Variants in PSD observed in about 807,000 individuals in gnomAD.
The protein encoded by PSD is pleckstrin and Sec7 domain containing.
PSD carries 32 observed loss-of-function variants against 91.6 expected under a neutral mutation model. That is an observed-to-expected ratio of 0.35 (90% confidence interval 0.26 to 0.47). The LOEUF is 0.47. Among genes scored for constraint, PSD ranks in the 20% least tolerant of loss-of-function variants. The pLI is 1.00. For missense variants in PSD, 1,099 were observed against 1,373.9 expected (o/e 0.80, Z 3.16); for synonymous variants, 532 against 569.3 (o/e 0.93, Z 0.93).
chr10:102,404,821 A>G lies in PSD; in HGVS notation c.2555+77T>C, dbSNP rs2135449227. 2 of 1,576,574 alleles carry G rather than the reference A, an allele frequency of 1.3e-6. No individual in the cohort carries two copies. Among genetic ancestry groups the G allele is most frequent in the South Asian group, 1.2e-5 (1 of 85,622 alleles). ...CAAGTGTGGCCTGAGAAGGAATGAAAAAATCCAGGGACAGGGAGGGGAGCA... is the reference window on the plus strand; with the variant it reads ...CAAGTGTGGCCTGAGAAGGAATGAAGAAATCCAGGGACAGGGAGGGGAGCA... On this transcript the variant is annotated intron_variant, in intron 14 of 16. Coordinates refer to ENST00000020673, the MANE Select transcript of PSD (RefSeq NM_002779.5). The surrounding 1 kb of genome is among the most constrained non-coding windows in gnomAD (Gnocchi z 5.7).
At chr10:102,417,853 C>A (rs140374940) in intron 1 of PSD, among the ~76,000 whole-genome samples, 1 of 151,888 alleles carries the variant, frequency 6.6e-6, no homozygotes. Context: ...GGATTACAGG[C>A]GCTCAGCACT....
chr10:102,417,086 C>A lies in PSD; in HGVS notation c.-48G>T, dbSNP rs538158149. The A allele has an allele frequency of 1.9e-6, 2 of 1,068,958 alleles. No individual in the cohort carries two copies. Among genetic ancestry groups the A allele is most frequent in the Non-Finnish European group, 1.3e-6 (1 of 757,918 alleles). The allele number at this position is 1,068,958 out of a possible 1,614,324, so 66.2% of individuals were successfully genotyped here. On this transcript the variant is annotated 5_prime_UTR_variant, in exon 2 of 17. Transcript: ENST00000020673. ...GGGGGGCAGGGATGGCGAGGCCAGG[C>A]GGGGAGTAAGGGGGCTGCATGCTCT...
rs191623529 is a variant in PSD, at chr10:102,411,665, C to G, written c.1942+42G>C. 7.3e-6 allele frequency: 11 copies of G among 1,515,628 alleles called. No homozygotes were observed. The East Asian group carries it at 2.6e-4, about 35-fold the overall frequency. The allele number at this position is 1,515,628 out of a possible 1,614,324, so 93.9% of individuals were successfully genotyped here. A position where few individuals can be genotyped will look rare whatever the true frequency, so the allele number is the denominator to read the frequency against. ...ACACAGGGCCCAGCCCATTTTGCCACTGTGGCCAGCTAAGGACACCCCTGC... is the reference window on the plus strand; with the variant it reads ...ACACAGGGCCCAGCCCATTTTGCCAGTGTGGCCAGCTAAGGACACCCCTGC... On this transcript the variant is annotated intron_variant, in intron 8 of 16. Transcript: ENST00000020673.
chr10:102,405,215 TC>T lies in PSD; in HGVS notation c.2364del (p.Ile789SerfsTer5). On this transcript the variant is annotated frameshift_variant, in exon 13 of 17. Transcript: ENST00000020673. LOFTEE classifies it high-confidence loss of function. This position sits in a 1 kb window ranked among gnomAD's most constrained non-coding sequence, Gnocchi z 5.4. ...AGGTAGAGGATCATGCCCTTGAGGA[TC>T]CCGTGGAAGCTCTTCCAGCCCCGCT... ...RGKRGWKSFH[G>X]ILKGMILYLQ... The T allele has an allele frequency of 6.2e-7, 1 of 1,610,830 alleles. No homozygotes were observed. Among genetic ancestry groups the T allele is most frequent in the Non-Finnish European group, 8.5e-7 (1 of 1,179,800 alleles).
rs1313030365 is a variant in PSD at position 102,414,736 on chromosome 10, C to T, written c.1124+127G>A. On this transcript the variant is annotated intron_variant, in intron 4 of 16. Coordinates refer to ENST00000020673, the MANE Select transcript of PSD (RefSeq NM_002779.5). The surrounding 1 kb of genome is among the most constrained non-coding windows in gnomAD (Gnocchi z 5.6). ...CCTCTGTCTAGAATCTCCTGCTATA[C>T]ACACTGCCCCGCCAGCCCCACACCC... The T allele has an allele frequency of 3.9e-6, 5 of 1,287,838 alleles. No individual in the cohort carries two copies. The highest frequency in any genetic ancestry group is 2.4e-5 in the East Asian group (1 of 41,042). The allele number at this position is 1,287,838 out of a possible 1,614,324, so 79.8% of individuals were successfully genotyped here.
Position 102,413,912 on chromosome 10 carries a change from G to A in PSD, c.1410C>T (p.Thr470=), listed in dbSNP as rs768788664. The A allele has an allele frequency of 6.2e-7, 1 of 1,614,078 alleles. No homozygotes were observed. Among genetic ancestry groups the A allele is most frequent in the South Asian group, 1.1e-5 (1 of 91,088 alleles). ...PLAPLEPDSG[T]SSAADGPWTQ... is the part of the protein sequence containing the mutation. The stretch of plus-strand genomic sequence containing the variant: ...TCCAAGGACCATCAGCAGCAGAGCT[G>A]GTACCAGAATCCGGTTCAAGAGGGG... Residue 470 remains threonine (T), a synonymous_variant, in exon 5 of 17, where the codon ACC becomes ACT. Transcript: ENST00000020673.
rs1013286009 is a variant in PSD, at chr10:102,405,418, C to T, written c.2254G>A (p.Glu752Lys). The T allele has an allele frequency of 5.6e-6, 9 of 1,613,418 alleles. No homozygotes were observed. Among genetic ancestry groups the T allele is most frequent in the Admixed American group, 1.7e-5 (1 of 59,958 alleles). ...TGCTTGTAGACGGCAGCCCCAGGCT[C>T]GGGAGTCAGGTCCAGGAAAGGGCTG... Reference protein sequence around the residue: ...GSSPFLDLTPEPGAAVYKHGA... With the variant: ...GSSPFLDLTPKPGAAVYKHGA... The change falls in exon 12 of 17, where the codon GAG becomes AAG. Residue 752 changes from glutamate (E) to lysine (K), a missense_variant. This residue lies in a region of PSD where 358 missense variants were observed against 426.5 expected (regional missense o/e 0.84). Coordinates refer to ENST00000020673, the MANE Select transcript of PSD (RefSeq NM_002779.5). This position sits in a 1 kb window ranked among gnomAD's most constrained non-coding sequence, Gnocchi z 5.4.
chr10:102,416,102 G>A lies in PSD; in HGVS notation c.672C>T (p.Ser224=), dbSNP rs140411500. The change falls in exon 3 of 17, where the codon TCC becomes TCT. Residue 224 remains serine (S), a synonymous_variant. Transcript: ENST00000020673. The surrounding 1 kb of genome is among the most constrained non-coding windows in gnomAD (Gnocchi z 6.0). ...GGGCATGAGAGGAGACTTCCCGGGG[G>A]GAGGACCAGGTATCCCCCTGAGCCA... ...GFLNQGDTWS[S]PREVSSHAQR... 6.2e-7 allele frequency: 1 copy of A among 1,613,428 alleles called. No homozygotes were observed. The highest frequency in any genetic ancestry group is 1.3e-5 in the African/African-American group (1 of 74,904).
chr10:102,411,443 G>A (rs1405818790), intron 8 of PSD, among the ~76,000 whole-genome samples: 1 of 152,154 alleles, frequency 6.6e-6, no homozygotes, highest in African/African-American at 2.4e-5. Context: ...CCCCTCTCCA[G>A]CCAAGCACTG....
Position 102,404,977 on chromosome 10 carries a change from G to A in PSD, c.2476C>T (p.Arg826Cys), listed in dbSNP as rs753416072. Residue 826 changes from arginine to cysteine, a missense_variant, in exon 14 of 17, where the codon CGT becomes TGT. Arg to Cys is a radical substitution (Grantham distance 180). This residue lies in a region of PSD where 358 missense variants were observed against 426.5 expected (regional missense o/e 0.84). Transcript: ENST00000020673. This position sits in a 1 kb window ranked among gnomAD's most constrained non-coding sequence, Gnocchi z 5.7. ...GGCCTCTTGCTGTAGTCACTGGCAC[G>A]AGTGGCCAGGGCATGGTGGATGCTG... ...AISIHHALAT[R>C]ASDYSKRPHV... is the part of the protein sequence containing the mutation. The A allele has an allele frequency of 1.5e-5, 25 of 1,614,090 alleles. No homozygotes were observed. In the South Asian group the frequency reaches 1.9e-4, roughly 12 times the overall value.
In PSD at chr10:102,403,052, A is replaced by AGCCCT. The variant is rs2061301260; in HGVS notation, c.*143_*147dup. 3.5e-6 allele frequency: 1 copy of AGCCCT among 286,506 alleles called. No individual in the cohort carries two copies. The highest frequency in any genetic ancestry group is 5.5e-6 in the Non-Finnish European group (1 of 181,736). 17.7% of individuals were successfully genotyped at this position (286,506 alleles called of 1,614,324 possible). A position where few individuals can be genotyped will look rare whatever the true frequency, so the allele number is the denominator to read the frequency against. On this transcript the variant is annotated 3_prime_UTR_variant, in exon 17 of 17. Coordinates refer to ENST00000020673, the MANE Select transcript of PSD (RefSeq NM_002779.5). The surrounding 1 kb of genome is among the most constrained non-coding windows in gnomAD (Gnocchi z 6.7). Reference sequence around the variant, plus strand: ...CCTAGGCTCCTGAGGCCCAGGCCCCAGCCCTGCCCTGCCCCGGACACCGCG... The same window carrying AGCCCT: ...CCTAGGCTCCTGAGGCCCAGGCCCCAGCCCTGCCCTGCCCTGCCCCGGACACCGCG...
In PSD at chr10:102,403,769, C is replaced by T; in HGVS notation, c.2844+73G>A. ...GCCCAAGGACCTCCGGCCGGTTCCA[C>T]TGTTAGAGTTCATGCCCTTCACCCT... is the stretch of plus-strand genomic sequence containing the variant. On this transcript the variant is annotated intron_variant, in intron 16 of 16. Coordinates refer to ENST00000020673, the MANE Select transcript of PSD (RefSeq NM_002779.5). This position sits in a 1 kb window ranked among gnomAD's most constrained non-coding sequence, Gnocchi z 6.7. 1 of 1,527,142 alleles carries T rather than the reference C, an allele frequency of 6.5e-7. No individual in the cohort carries two copies. The highest frequency in any genetic ancestry group is 2.0e-5 in the Admixed American group (1 of 48,806). 94.6% of individuals were successfully genotyped at this position (1,527,142 alleles called of 1,614,324 possible). A position where few individuals can be genotyped will look rare whatever the true frequency, so the allele number is the denominator to read the frequency against.
In PSD at chr10:102,405,732, C is replaced by A; in HGVS notation, c.2136-196G>T. On this transcript the variant is annotated intron_variant, in intron 11 of 16. Transcript: ENST00000020673. This position sits in a 1 kb window ranked among gnomAD's most constrained non-coding sequence, Gnocchi z 5.4. ...TGTGCCTCCTCAGAGCAGGGCACCT[C>A]CCTCAGAGCTCCCCAGCCTAGAGCC... The A allele has an allele frequency of 1.7e-6, 1 of 593,594 alleles. No homozygotes were observed. The highest frequency in any genetic ancestry group is 3.0e-6 in the Non-Finnish European group (1 of 335,732). The allele number at this position is 593,594 out of a possible 1,614,324, so 36.8% of individuals were successfully genotyped here.
In PSD at chr10:102,403,404, C is replaced by T. The variant is rs199509361; in HGVS notation, c.2871G>A (p.Ala957=). ...FEKSRYSTYA[A]LLRVKLKAGS... is the part of the protein sequence containing the mutation. ...CTGCCTTCAGCTTGACCCGAAGCAG[C>T]GCTGCATAGGTGCTGTAGCGGGATT... Residue 957 remains alanine (A), a synonymous_variant, in exon 17 of 17, where the codon GCG becomes GCA. Coordinates refer to ENST00000020673, the MANE Select transcript of PSD (RefSeq NM_002779.5). This position sits in a 1 kb window ranked among gnomAD's most constrained non-coding sequence, Gnocchi z 6.7. 2.9e-5 allele frequency: 46 copies of T among 1,612,558 alleles called. No homozygotes were observed. In the Admixed American group the frequency reaches 3.7e-4, roughly 13 times the overall value.
At chr10:102,411,567 C>G (rs1417768312) in intron 8 of PSD, 140 bp downstream of exon 8, 1 of 691,666 alleles carries the variant, frequency 1.4e-6, no homozygotes, top group African/African-American at 1.8e-5. Flanking sequence ...TGTCTGCACA[C>G]ATGCAAGTTC....
chr10:102,411,084 G>A lies in PSD; in HGVS notation c.1975C>T (p.Leu659=), dbSNP rs12254663. The change falls in exon 9 of 17, where the codon CTG becomes TTG. Residue 659 remains leucine (L), a synonymous_variant. Coordinates refer to ENST00000020673, the MANE Select transcript of PSD (RefSeq NM_002779.5). ...TGGCCGTGGAGATCCGTGTTGAGCA[G>A]CATGAGCGCACAGGTCAGCGTGTGG... is the stretch of plus-strand genomic sequence containing the variant. ...GAHTLTCALM[L]LNTDLHGHNI... 3.9e-3 allele frequency: 6,212 copies of A among 1,612,274 alleles called. 197 individuals are homozygous for A. In the African/African-American group the frequency reaches 0.071, roughly 19 times the overall value.
At chr10:102,415,325 C>T in intron 3 of PSD, 96 bp from the exon 4 acceptor site, 2 of 1,406,092 alleles carry the variant, frequency 1.4e-6, no homozygotes, top group East Asian at 2.4e-5. Flanking sequence ...CTCATATTGA[C>T]AGGAAGTTCT....
chr10:102,409,150 C>T lies in PSD; in HGVS notation c.2091+1708G>A, dbSNP rs2061398521. On this transcript the variant is annotated intron_variant, in intron 10 of 16. Coordinates refer to ENST00000020673, the MANE Select transcript of PSD (RefSeq NM_002779.5). This position sits in a 1 kb window ranked among gnomAD's most constrained non-coding sequence, Gnocchi z 5.7. ...CATGCCCCCGTCCGCCCTCGGCCCC[C>T]GGGCCGCCCGGACGGCCCGCGGACC... is the stretch of plus-strand genomic sequence containing the variant. 1.0e-6 allele frequency: 1 copy of T among 980,642 alleles called. No homozygotes were observed. The highest frequency in any genetic ancestry group is 1.2e-6 in the Non-Finnish European group (1 of 828,132). 60.7% of individuals were successfully genotyped at this position (980,642 alleles called of 1,614,324 possible). A position where few individuals can be genotyped will look rare whatever the true frequency, so the allele number is the denominator to read the frequency against.
chr10:102,414,928 G>C lies in PSD; in HGVS notation c.1059C>G (p.Asp353Glu). The C allele has an allele frequency of 6.6e-7, 1 of 1,524,536 alleles. No homozygotes were observed. The highest frequency in any genetic ancestry group is 8.8e-7 in the Non-Finnish European group (1 of 1,130,334). The allele number at this position is 1,524,536 out of a possible 1,614,324, so 94.4% of individuals were successfully genotyped here. Residue 353 changes from aspartate (D) to glutamate (E), a missense_variant, in exon 4 of 17, where the codon GAC becomes GAG. Asp to Glu is a conservative substitution (Grantham distance 45). Coordinates refer to ENST00000020673, the MANE Select transcript of PSD (RefSeq NM_002779.5). This position sits in a 1 kb window ranked among gnomAD's most constrained non-coding sequence, Gnocchi z 5.6. Reference sequence around the variant, plus strand: ...CTTCTTCCCCACCTGCCTCATCGTCGTCCTCATCCTCATTGCCACTGCCGA... The same window carrying C: ...CTTCTTCCCCACCTGCCTCATCGTCCTCCTCATCCTCATTGCCACTGCCGA... ...PSLGSGNEDE[D>E]DDEAGGEEDV...
Sources: allele counts gnomAD v4.1 joint callset (sites outside exome capture counted in the v4.1 genomes callset), GRCh38; gene constraint gnomAD v4.1.1; regional missense constraint gnomAD v4.1.1; non-coding constraint Gnocchi (gnomAD v3.1); transcripts MANE v1.5; gene names NCBI Gene and HGNC (gene_info 2026-07-23, HGNC 2026-07-21).